Variants in MPRIP observed in about 807,000 individuals in gnomAD.
MPRIP encodes myosin phosphatase Rho-interacting protein.
MPRIP carries 59 observed loss-of-function variants against 234.9 expected under a neutral mutation model. That is an observed-to-expected ratio of 0.25 (90% CI 0.20 to 0.31). The LOEUF (loss-of-function observed/expected upper bound fraction) is 0.31, where lower values mean the gene tolerates loss of function less well. Ranked by LOEUF, MPRIP falls within the 10% of genes least tolerant of loss-of-function variation. MPRIP has a pLI of 1.00. For missense variants in MPRIP, 2,436 were observed against 3,071.0 expected (o/e 0.79, Z 4.89); for synonymous variants, 1,144 against 1,263.9 (o/e 0.91, Z 2.01).
In MPRIP at chr17:17,187,978, C is replaced by T. The variant is rs1311515233; in HGVS notation, c.*3084C>T. ...TAGCACCAGCCAGTAAGCTGTGCCA[C>T]ACATATGAATGGGAAAGCGAGGCAG... On this transcript the variant is annotated 3_prime_UTR_variant, in exon 24 of 24. Transcript: ENST00000651222. The T allele has an allele frequency of 6.6e-6, 1 of 152,250 alleles. No homozygotes were observed. Among genetic ancestry groups the T allele is most frequent in the African/African-American group, 2.4e-5 (1 of 41,462 alleles). The allele number at this position is 152,250 out of a possible 1,614,324, so 9.4% of individuals were successfully genotyped here. A position where few individuals can be genotyped will look rare whatever the true frequency, so the allele number is the denominator to read the frequency against.
At chr17:17,062,436 C>T (rs1478506067) in intron 1 of MPRIP, among the ~76,000 whole-genome samples, 1 of 152,262 alleles carries the variant, frequency 6.6e-6, no homozygotes, top group African/African-American at 2.4e-5. Flanking sequence ...CTCATCAACT[C>T]TCAATCTTTG....
chr17:17,093,551 A>G (rs2089769569), intron 3 of MPRIP, among the ~76,000 whole-genome samples: 1 of 152,176 alleles, frequency 6.6e-6, no homozygotes, highest in Non-Finnish European at 1.5e-5. Flanking sequence ...TTACCCTTGG[A>G]TCTTACTGTG....
At chr17:17,171,379 C>T (rs984955305) in intron 16 of MPRIP, 6 of 208,610 alleles carry the variant, frequency 2.9e-5, no homozygotes, top group South Asian at 9.8e-5. Context: ...CTGGCAGCAA[C>T]GCAGGAAGGT....
chr17:17,158,140 C>G (rs1035713773), intron 13 of MPRIP, among the ~76,000 whole-genome samples: 9 of 152,182 alleles, frequency 5.9e-5, no homozygotes, highest in Admixed American at 2.0e-4. Context: ...GTCAAGGGAC[C>G]CCCCCAGTGT....
At chr17:17,044,120 G>C (rs889622962) in intron 1 of MPRIP, among the ~76,000 whole-genome samples, 2 of 152,176 alleles carry the variant, frequency 1.3e-5, no homozygotes, top group African/African-American at 2.4e-5. Flanking sequence ...CTTTCTCTGA[G>C]GTCAGGTTTC....
chr17:17,053,072 G>C (rs999655491), intron 1 of MPRIP, among the ~76,000 whole-genome samples: 3 of 152,136 alleles, frequency 2.0e-5, no homozygotes, highest in South Asian at 2.1e-4. Context: ...ATCAGGACTG[G>C]GTGAGCCACT....
intron 15 of MPRIP, among the ~76,000 whole-genome samples, chr17:17,161,990 T>G (rs2045881613): frequency 6.6e-6 from 1 of 152,262 alleles, no homozygotes; most frequent in Non-Finnish European, 1.5e-5. Context: ...CTGCTGACTT[T>G]CCTGCAGCGT....
intron 3 of MPRIP, among the ~76,000 whole-genome samples, chr17:17,079,199 T>C (rs189702264): frequency 1.3e-5 from 2 of 152,224 alleles, no homozygotes; most frequent in East Asian, 3.9e-4. Context: ...GTTTCTGGGG[T>C]GAATTAAGAG....
intron 3 of MPRIP, among the ~76,000 whole-genome samples, chr17:17,122,841 A>G (rs2090418392): frequency 1.3e-5 from 2 of 152,234 alleles, no homozygotes; most frequent in African/African-American, 4.8e-5. Context: ...TTAAACATAT[A>G]GTTTCCATAT....
rs1231013016 is a variant in MPRIP, at chr17:17,165,076, T to G, written c.3485T>G (p.Leu1162Arg). 1 of 1,303,316 alleles carries G rather than the reference T, an allele frequency of 7.7e-7. No individual in the cohort carries two copies. Among genetic ancestry groups the G allele is most frequent in the East Asian group, 5.5e-5 (1 of 18,028 alleles). The allele number at this position is 1,303,316 out of a possible 1,614,324, so 80.7% of individuals were successfully genotyped here. A position where few individuals can be genotyped will look rare whatever the true frequency, so the allele number is the denominator to read the frequency against. ...AGCCAGCTGCAGAGCATGCACACTC[T>G]GCTGAGAGAGAAGGAGGAAGAGCTG... ...VSSQLQSMHT[L>R]LREKEEELER... Residue 1162 changes from leucine to arginine, a missense_variant, in exon 16 of 24, where the codon CTG (leucine) becomes CGG (arginine). Leu to Arg is a moderately radical substitution (Grantham distance 102). Around this residue, in one of 4 missense-constraint regions of MPRIP, gnomAD observed 1,998 missense variants for 2,520.3 expected, o/e 0.79. Coordinates refer to ENST00000651222, the MANE Select transcript of MPRIP (RefSeq NM_001364716.4).
chr17:17,051,688 G>A (rs2088545474), intron 1 of MPRIP, among the ~76,000 whole-genome samples: 1 of 152,270 alleles, frequency 6.6e-6, no homozygotes, highest in Non-Finnish European at 1.5e-5. Flanking sequence ...CCTACCCAGA[G>A]CTCTCAAGGC....
chr17:17,108,423 C>T (rs2090104930), intron 3 of MPRIP, among the ~76,000 whole-genome samples: 1 of 152,222 alleles, frequency 6.6e-6, no homozygotes. Context: ...TGGTTCCCAG[C>T]CTTGGCTGAA....
intron 3 of MPRIP, among the ~76,000 whole-genome samples, chr17:17,109,852 G>T (rs1178958639): frequency 6.6e-6 from 1 of 152,226 alleles, no homozygotes; most frequent in Non-Finnish European, 1.5e-5. Context: ...GCGGATGGGG[G>T]TGTGTCAGGG....
intron 3 of MPRIP, among the ~76,000 whole-genome samples, chr17:17,090,298 G>C (rs1368886413): frequency 6.6e-6 from 1 of 152,188 alleles, no homozygotes. Flanking sequence ...GTCCCGCAGG[G>C]GCAGAAGGGT....
chr17:17,095,323 C>T (rs927749684), intron 3 of MPRIP, among the ~76,000 whole-genome samples: 9 of 152,040 alleles, frequency 5.9e-5, no homozygotes, highest in Admixed American at 2.0e-4. Context: ...ATATGGGGTG[C>T]GTGTAGGAAT....
chr17:17,113,395 A>G (rs536548269), intron 3 of MPRIP, among the ~76,000 whole-genome samples: 1 of 152,354 alleles, frequency 6.6e-6, no homozygotes, highest in South Asian at 2.1e-4. Flanking sequence ...ATCATACAGT[A>G]TCTATCCTTT....
intron 1 of MPRIP, among the ~76,000 whole-genome samples, chr17:17,068,253 C>G (rs142838620): frequency 6.6e-6 from 1 of 152,024 alleles, no homozygotes; most frequent in African/African-American, 2.4e-5. Context: ...CAGGTTCAAG[C>G]GATTCTGCTG....
chr17:17,099,334 G>A (rs1451588640), intron 3 of MPRIP, among the ~76,000 whole-genome samples: 2 of 152,132 alleles, frequency 1.3e-5, no homozygotes, highest in African/African-American at 2.4e-5. Context: ...CTTAATAGGC[G>A]GTCACAGCTT....
rs775672897 is a variant in MPRIP at position 17,184,844 on chromosome 17, G to T, written c.7228G>T (p.Val2410Leu). Residue 2410 changes from valine to leucine, a missense_variant, in exon 24 of 24, where the codon GTG becomes TTG. Coordinates refer to ENST00000651222, the MANE Select transcript of MPRIP (RefSeq NM_001364716.4). ...RSKSLKEGLTVQERLKLFESR... is the reference protein window; with the variant it reads ...RSKSLKEGLTLQERLKLFESR... ...CCAGAGTCTGAAGGAAGGCCTGACG[G>T]TGCAAGAACGGTTGAAGCTCTTTGA... The T allele has an allele frequency of 6.2e-7, 1 of 1,613,052 alleles. No individual in the cohort carries two copies. The highest frequency in any genetic ancestry group is 1.1e-5 in the South Asian group (1 of 91,046).
Sources: allele counts gnomAD v4.1 joint callset (sites outside exome capture counted in the v4.1 genomes callset), GRCh38; gene constraint gnomAD v4.1.1; regional missense constraint gnomAD v4.1.1; transcripts MANE v1.5; gene names NCBI Gene and HGNC (gene_info 2026-07-23, HGNC 2026-07-21).